CHCHD6: variants seen among roughly 807,000 people sequenced by gnomAD.
CHCHD6 encodes the protein MICOS complex subunit MIC25.
A neutral mutation model predicts 32.3 loss-of-function variants in CHCHD6; 28 were observed. The observed-to-expected ratio is 0.87, with a 90% CI of 0.64 to 1.19. The LOEUF (loss-of-function observed/expected upper bound fraction) is 1.19. Among genes scored for constraint, CHCHD6 ranks in the 50% most tolerant of loss-of-function variants. The probability of loss-of-function intolerance (pLI) is 0.00; values close to 1 mark genes in which losing one functional copy is unlikely to be tolerated. For synonymous variants in CHCHD6, 122 were observed against 117.5 expected, an observed-to-expected ratio of 1.04 and a Z score of -0.25; for missense variants, 333 against 307.0, an observed-to-expected ratio of 1.08 and a Z score of -0.63.
rs529266743 is a variant in CHCHD6 at position 126,898,395 on chromosome 3, C to T, written c.496-16285C>T. ...GGCACAGTGCTGGGCCCGCATCTGG[C>T]CAGCTGGGGCACCGAGGAGACATGG... is the stretch of plus-strand genomic sequence containing the variant. On this transcript the variant is annotated intron_variant, in intron 5 of 7. Coordinates refer to ENST00000290913, the MANE Select transcript of CHCHD6 (RefSeq NM_032343.3). Among the ~76,000 whole-genome samples, 10 of 152,292 alleles carry T rather than the reference C, an allele frequency of 6.6e-5. No homozygotes were observed. The East Asian group carries it at 1.7e-3, about 26-fold the overall frequency.
chr3:126,726,310 A>G (rs1351861453), intron 1 of CHCHD6, among the ~76,000 whole-genome samples: 3 of 152,326 alleles, frequency 2.0e-5, no homozygotes, highest in Middle Eastern at 3.4e-3. Flanking sequence ...TCAGAACACA[A>G]CAGCATTTAT....
chr3:126,899,082 G>A lies in CHCHD6; in HGVS notation c.496-15598G>A, dbSNP rs1213726318. ...GGCTAACATTATTTTCTTCAGTGAT[G>A]TCTAAAAGAGTAGACTGCGTAGCTC... On this transcript the variant is annotated intron_variant, in intron 5 of 7. Coordinates refer to ENST00000290913, the MANE Select transcript of CHCHD6 (RefSeq NM_032343.3). Among the ~76,000 whole-genome samples the A allele has an allele frequency of 8.5e-5, 13 of 152,210 alleles. 1 individual carries two copies. In the South Asian group the frequency reaches 2.5e-3, roughly 29 times the overall value.
At chr3:126,880,614 G>C (rs1273062455) in intron 5 of CHCHD6, among the ~76,000 whole-genome samples, 1 of 150,472 alleles carries the variant, frequency 6.6e-6, no homozygotes, top group Non-Finnish European at 1.5e-5. Context: ...GATGAATAAG[G>C]ATCTGAGGGA....
At chr3:126,853,756 A>AGCT (rs1396000960) in intron 5 of CHCHD6, among the ~76,000 whole-genome samples, 2 of 152,156 alleles carry the variant, frequency 1.3e-5, no homozygotes, top group Non-Finnish European at 2.9e-5. Flanking sequence ...TGCACCTCTG[A>AGCT]GCTGCTTTCC....
chr3:126,771,027 G>A (rs1267219264), intron 4 of CHCHD6, among the ~76,000 whole-genome samples: 1 of 152,152 alleles, frequency 6.6e-6, no homozygotes, highest in East Asian at 1.9e-4. Flanking sequence ...TCTGTTGAGG[G>A]ATTTAATTTC....
rs191895853 is a variant in CHCHD6, at chr3:126,795,147, A to G, written c.412-57500A>G. Among the ~76,000 whole-genome samples, 39 of 152,292 alleles carry G rather than the reference A, an allele frequency of 2.6e-4. No homozygotes were observed. The East Asian group carries it at 7.5e-3, about 29-fold the overall frequency. ...GGCCTTGTTGCTGGGGCTGGCCATC[A>G]CAGCAGATAGCTGCCCACGTCTCCT... On this transcript the variant is annotated intron_variant, in intron 4 of 7. Transcript: ENST00000290913.
At chr3:126,827,342 C>A (rs1329522549) in intron 4 of CHCHD6, among the ~76,000 whole-genome samples, 1 of 152,138 alleles carries the variant, frequency 6.6e-6, no homozygotes, top group East Asian at 1.9e-4. Flanking sequence ...TTCCAGGCTG[C>A]CATGCGTCAT....
At chr3:126,864,950 TCTC>T (rs1485981725) in intron 5 of CHCHD6, among the ~76,000 whole-genome samples, 1 of 111,922 alleles carries the variant, frequency 8.9e-6, no homozygotes, top group Non-Finnish European at 1.9e-5. Flanking sequence ...TCCACCATCA[TCTC>T]CTCCTCCATC....
intron 1 of CHCHD6, among the ~76,000 whole-genome samples, chr3:126,714,726 C>T (rs1002530792): frequency 9.2e-5 from 14 of 152,286 alleles, no homozygotes; most frequent in African/African-American, 3.4e-4. Flanking sequence ...TTTCCAGTGC[C>T]TAGCACCCAG....
At chr3:126,884,174 C>T (rs1014405781) in intron 5 of CHCHD6, among the ~76,000 whole-genome samples, 11 of 152,158 alleles carry the variant, frequency 7.2e-5, no homozygotes, top group African/African-American at 2.7e-4. Flanking sequence ...CTCCAAGCCC[C>T]GGGTTCTATG....
At chr3:126,888,760 A>G (rs1029471182) in intron 5 of CHCHD6, among the ~76,000 whole-genome samples, 6 of 152,136 alleles carry the variant, frequency 3.9e-5, no homozygotes, top group African/African-American at 1.4e-4. Flanking sequence ...CTCCCCCACC[A>G]TGGAGCAGTG....
At chr3:126,840,138 C>T (rs1941013343) in intron 4 of CHCHD6, among the ~76,000 whole-genome samples, 1 of 152,102 alleles carries the variant, frequency 6.6e-6, no homozygotes, top group Middle Eastern at 3.2e-3. Context: ...TGTATTAGTA[C>T]TTCATTGTTT....
At chr3:126,882,732 G>A (rs2077628032) in intron 5 of CHCHD6, among the ~76,000 whole-genome samples, 2 of 152,232 alleles carry the variant, frequency 1.3e-5, no homozygotes, top group Admixed American at 1.3e-4. Context: ...TTCTGGAAGA[G>A]CCAGGACGCT....
intron 6 of CHCHD6, among the ~76,000 whole-genome samples, chr3:126,939,118 G>A (rs2107602270): frequency 6.6e-6 from 1 of 152,262 alleles, no homozygotes. Flanking sequence ...AAGTCACTGA[G>A]CTGGTGAGCA....
intron 4 of CHCHD6, among the ~76,000 whole-genome samples, chr3:126,830,535 C>T (rs1024958237): frequency 2.6e-5 from 4 of 152,230 alleles, no homozygotes; most frequent in African/African-American, 9.6e-5. Flanking sequence ...CTTCCTCGCC[C>T]CCTGCTCTAC....
chr3:126,738,842 G>A (rs1936169557), intron 4 of CHCHD6, among the ~76,000 whole-genome samples: 2 of 152,172 alleles, frequency 1.3e-5, no homozygotes, highest in Non-Finnish European at 2.9e-5. Flanking sequence ...AATGATATTT[G>A]GGAGTCAACT....
intron 4 of CHCHD6, among the ~76,000 whole-genome samples, chr3:126,756,384 A>G (rs1303040538): frequency 6.6e-6 from 1 of 152,200 alleles, no homozygotes; most frequent in Non-Finnish European, 1.5e-5. Flanking sequence ...AGGCTGCTGG[A>G]GAGCCTGGCC....
At chr3:126,903,778 A>G (rs924955286) in intron 5 of CHCHD6, among the ~76,000 whole-genome samples, 14 of 152,198 alleles carry the variant, frequency 9.2e-5, no homozygotes, top group Non-Finnish European at 1.6e-4. Context: ...CTCCCAGCAC[A>G]CTGTGGAATT....
intron 4 of CHCHD6, among the ~76,000 whole-genome samples, chr3:126,738,868 T>C (rs1936170848): frequency 6.6e-6 from 1 of 152,254 alleles, no homozygotes; most frequent in South Asian, 2.1e-4. Flanking sequence ...GATGTTTGTC[T>C]CCTAGTCAGA....
Sources: gnomAD v4.1 joint callset for allele counts (sites outside exome capture counted in the v4.1 genomes callset) on GRCh38, gnomAD v4.1.1 for gene constraint, MANE v1.5 for transcripts, NCBI Gene and HGNC (gene_info 2026-07-23, HGNC 2026-07-21) for gene names.